DCAF8: variants seen among roughly 807,000 people sequenced by gnomAD.
DCAF8 encodes DDB1 and CUL4 associated factor 8.
DCAF8 carries 20 observed loss-of-function variants against 68.0 expected under a neutral mutation model. That is an observed-to-expected ratio of 0.29 (90% CI 0.21 to 0.43). The LOEUF (loss-of-function observed/expected upper bound fraction) is 0.43, where lower values mean the gene tolerates loss of function less well. Ranked by LOEUF, DCAF8 falls within the 20% of genes least tolerant of loss-of-function variation. The pLI is 1.00. For synonymous variants in DCAF8, 230 were observed against 276.9 expected, an observed-to-expected ratio of 0.83 and a Z score of 1.68; for missense variants, 460 against 771.0, an observed-to-expected ratio of 0.60 and a Z score of 4.78.
At chr1:160,221,228 G>C (rs1186164188) in intron 11 of DCAF8, 1 of 152,248 alleles carries the variant, frequency 6.6e-6, no homozygotes, top group Non-Finnish European at 1.5e-5. Context: ...AGAATGCAAG[G>C]CAATAGCTTA....
chr1:160,232,194 A>G (rs1487986583), intron 6 of DCAF8, among the ~76,000 whole-genome samples: 2 of 151,698 alleles, frequency 1.3e-5, no homozygotes, highest in Non-Finnish European at 2.9e-5. Flanking sequence ...TGCGCAACAG[A>G]GCAAGACTGT....
intron 11 of DCAF8, chr1:160,220,250 G>A (rs531982881): frequency 6.6e-6 from 1 of 152,336 alleles, no homozygotes; most frequent in African/African-American, 2.4e-5. Context: ...GCCTGGAATA[G>A]TATCTATCTA....
chr1:160,259,712 A>C (rs1044806220), intron 2 of DCAF8, among the ~76,000 whole-genome samples: 1 of 152,250 alleles, frequency 6.6e-6, no homozygotes, highest in African/African-American at 2.4e-5. Flanking sequence ...AAGTATAAAG[A>C]ATAGTTGCAG....
At chr1:160,226,238 CG>C (rs1021314865) in intron 7 of DCAF8, among the ~76,000 whole-genome samples, 1 of 152,170 alleles carries the variant, frequency 6.6e-6, no homozygotes, top group African/African-American at 2.4e-5. Flanking sequence ...AGGTTACTCA[CG>C]GGCAGAAACC....
At chr1:160,217,761 C>T (rs1439077818) in intron 13 of DCAF8, 53 bp from the exon 14 acceptor site, 4 of 1,435,368 alleles carry the variant, frequency 2.8e-6, no homozygotes, top group African/African-American at 1.4e-5. Context: ...CAAGGACAAG[C>T]CTGTTAGGTC....
At chr1:160,238,892 G>T in intron 4 of DCAF8, 145 bp from the exon 5 acceptor site, 1 of 959,752 alleles carries the variant, frequency 1.0e-6, no homozygotes, top group Non-Finnish European at 1.5e-6. Flanking sequence ...TGTACAGCTG[G>T]CTAAGCCCAA....
Position 160,238,728 on chromosome 1 carries a change from C to G in DCAF8, c.743G>C (p.Ser248Thr). The change falls in exon 5 of 14, where the codon AGT (serine) becomes ACT (threonine). Residue 248 changes from serine to threonine, a missense_variant. This residue lies in a region of DCAF8 where 170 missense variants were observed against 318.2 expected (regional missense o/e 0.53). Transcript: ENST00000368074. ...ACACATGGCCAGAGTAGAATCACCA[C>G]TGTTAGGAAGAAACTTGGCCTGGGG... is the stretch of plus-strand genomic sequence containing the variant. ...NVFQAKFLPN[S>T]GDSTLAMCAR... 6.2e-7 allele frequency: 1 copy of G among 1,610,418 alleles called. No homozygotes were observed.
chr1:160,258,061 A>AT (rs1181337945), intron 2 of DCAF8, among the ~76,000 whole-genome samples: 1 of 152,186 alleles, frequency 6.6e-6, no homozygotes, highest in Non-Finnish European at 1.5e-5. Context: ...AATTGACTGC[A>AT]TTTAGCAGGG....
At chr1:160,227,692 T>C (rs994730322) in intron 7 of DCAF8, among the ~76,000 whole-genome samples, 1 of 152,226 alleles carries the variant, frequency 6.6e-6, no homozygotes, top group Non-Finnish European at 1.5e-5. Context: ...ATTAAAACTA[T>C]TGAATTCTGC....
In DCAF8 at chr1:160,217,490, T is replaced by C. The variant is rs1478256482; in HGVS notation, c.*102A>G. ...TCTTTCTTTTATCTAAAGCAAAAAG[T>C]CCAAAGTGCGTTTCTGCTGAATGTA... On this transcript the variant is annotated 3_prime_UTR_variant, in exon 14 of 14. Coordinates refer to ENST00000368074, the MANE Select transcript of DCAF8 (RefSeq NM_015726.4). 4.9e-6 allele frequency: 4 copies of C among 812,586 alleles called. No individual in the cohort carries two copies. The highest frequency in any genetic ancestry group is 7.8e-6 in the Non-Finnish European group (4 of 511,816). The allele number at this position is 812,586 out of a possible 1,614,324, so 50.3% of individuals were successfully genotyped here.
chr1:160,233,191 A>T, intron 6 of DCAF8, among the ~76,000 whole-genome samples: 1 of 152,248 alleles, frequency 6.6e-6, no homozygotes, highest in East Asian at 1.9e-4. Context: ...AAGTCACTTC[A>T]GCCTAGAACT....
intron 12 of DCAF8, 142 bp downstream of exon 12, chr1:160,218,707 A>T (rs183993392): frequency 7.8e-7 from 1 of 1,279,412 alleles, no homozygotes; most frequent in African/African-American, 1.5e-5. Flanking sequence ...ATTCCTACAG[A>T]GGAAATTACA....
intron 2 of DCAF8, among the ~76,000 whole-genome samples, chr1:160,257,355 AC>A (rs1343735622): frequency 1.3e-5 from 2 of 152,196 alleles, no homozygotes. Context: ...TGGTTTGGAT[AC>A]CGTTATTTCT....
At position 160,252,618 on chromosome 1, in the gene DCAF8, A is replaced by G. The variant is rs111880588; in HGVS notation, c.-26-8584T>C. The stretch of plus-strand genomic sequence containing the variant: ...CAGAGAAATTATTTTGTCAAAGATA[A>G]TAAGATGGACTGAAATGAAGGAAAA... On this transcript the variant is annotated intron_variant, in intron 2 of 13. Transcript: ENST00000368074. 2.0e-4 allele frequency among the ~76,000 whole-genome samples: 31 copies of G among 152,364 alleles called. 2 individuals carry two copies. Among genetic ancestry groups the G allele is most frequent in the African/African-American group, 7.5e-4 (31 of 41,584 alleles).
intron 2 of DCAF8, among the ~76,000 whole-genome samples, chr1:160,253,578 G>A (rs1656690296): frequency 7.2e-6 from 1 of 138,178 alleles, no homozygotes; most frequent in South Asian, 2.4e-4. Context: ...AACCTGGGAG[G>A]CAAAGGTTGC....
rs746477428 is a variant in DCAF8 at position 160,240,029 on chromosome 1, C to A, written c.391G>T (p.Asp131Tyr). ...CAGTCCTCTAGGGCCCGCTCATCAT[C>A]TGATGAGTCCTGGTCACGGTTAGCC... ...KRANRDQDSSDDERALEDWVS... is the reference protein window; with the variant it reads ...KRANRDQDSSYDERALEDWVS... Residue 131 changes from aspartate (D) to tyrosine (Y), a missense_variant, in exon 4 of 14, where the codon GAT (aspartate) becomes TAT (tyrosine). Asp to Tyr is a radical substitution (Grantham distance 160). Around this residue, in one of 8 missense-constraint regions of DCAF8, gnomAD observed 156 missense variants for 181.4 expected, o/e 0.86. Coordinates refer to ENST00000368074, the MANE Select transcript of DCAF8 (RefSeq NM_015726.4). The A allele has an allele frequency of 6.2e-7, 1 of 1,614,254 alleles. No homozygotes were observed. The highest frequency in any genetic ancestry group is 1.1e-5 in the South Asian group (1 of 91,086).
intron 10 of DCAF8, 34 bp downstream of exon 10, chr1:160,224,408 C>T (rs979387102): frequency 1.2e-5 from 18 of 1,549,186 alleles, no homozygotes; most frequent in Admixed American, 1.7e-5. Flanking sequence ...AGCCAACAGG[C>T]TTGGGCCAAA....
intron 12 of DCAF8, 36 bp downstream of exon 12, chr1:160,218,813 G>A (rs768484785): frequency 1.2e-6 from 2 of 1,613,000 alleles, no homozygotes; most frequent in Non-Finnish European, 1.7e-6. Flanking sequence ...ATGTGGATAA[G>A]CAGAAAGAAA....
chr1:160,248,751 G>A (rs1253954498), intron 2 of DCAF8, among the ~76,000 whole-genome samples: 3 of 151,864 alleles, frequency 2.0e-5, no homozygotes, highest in Non-Finnish European at 4.4e-5. Flanking sequence ...ATCGCGAGCT[G>A]GATATGGTGG....
Sources: gnomAD v4.1 joint callset for allele counts (sites outside exome capture counted in the v4.1 genomes callset) on GRCh38, gnomAD v4.1.1 for gene constraint, gnomAD v4.1.1 regional missense constraint, MANE v1.5 for transcripts, NCBI Gene and HGNC (gene_info 2026-07-23, HGNC 2026-07-21) for gene names.